The following TDRD3 variants were observed in gnomAD, a reference collection of about 807,000 sequenced individuals.
TDRD3 encodes tudor domain-containing protein 3.
In TDRD3, 45 loss-of-function variants were observed where a neutral mutation model predicts 86.7. The ratio of observed to expected loss-of-function variants is 0.52; its 90% CI spans 0.41 to 0.67. TDRD3 has a LOEUF of 0.67. Among genes scored for constraint, TDRD3 ranks in the 30% least tolerant of loss-of-function variants. The pLI, the probability that TDRD3 is intolerant of heterozygous loss-of-function variation, is 0.00. For missense variants in TDRD3, 814 were observed against 889.0 expected (o/e 0.92, Z 1.07); for synonymous variants, 298 against 301.7 (o/e 0.99, Z 0.13).
At chr13:60,488,563 T>G (rs1229192315) in intron 7 of TDRD3, among the ~76,000 whole-genome samples, 2 of 152,050 alleles carry the variant, frequency 1.3e-5, no homozygotes, top group Admixed American at 1.3e-4. Flanking sequence ...TAAATTGGAT[T>G]GTTTGGGTTT....
chr13:60,459,509 T>A (rs566999900), intron 3 of TDRD3, among the ~76,000 whole-genome samples: 8 of 152,222 alleles, frequency 5.3e-5, no homozygotes, highest in Non-Finnish European at 1.0e-4. Flanking sequence ...AATGTGAAAA[T>A]ATGTCAATTA....
chr13:60,404,612 G>A (rs1333449144), intron 1 of TDRD3, among the ~76,000 whole-genome samples: 1 of 148,780 alleles, frequency 6.7e-6, no homozygotes, highest in Non-Finnish European at 1.5e-5. Context: ...GCCCGGCCCT[G>A]TTTGCTTTTT....
intron 12 of TDRD3, among the ~76,000 whole-genome samples, chr13:60,550,898 C>G (rs1958034625): frequency 6.6e-6 from 1 of 152,136 alleles, no homozygotes; most frequent in African/African-American, 2.4e-5. Flanking sequence ...ATTCTAAGCT[C>G]TTTTACTTAC....
chr13:60,474,256 C>T (rs2138113275), intron 5 of TDRD3, among the ~76,000 whole-genome samples: 1 of 152,316 alleles, frequency 6.6e-6, no homozygotes, highest in South Asian at 2.1e-4. Context: ...ATGACCTTAC[C>T]TATCATTGTA....
chr13:60,572,212 G>A (rs1372788441), intron 13 of TDRD3, among the ~76,000 whole-genome samples: 1 of 152,148 alleles, frequency 6.6e-6, no homozygotes, highest in Non-Finnish European at 1.5e-5. Flanking sequence ...AAGTTTAAAC[G>A]AGGGAAGCAG....
At chr13:60,530,229 C>A (rs1005960666) in intron 11 of TDRD3, among the ~76,000 whole-genome samples, 1 of 152,170 alleles carries the variant, frequency 6.6e-6, no homozygotes, top group Non-Finnish European at 1.5e-5. Flanking sequence ...TGGTTTCCGT[C>A]TGTAGTCTTG....
At position 60,436,043 on chromosome 13, in the gene TDRD3, C is replaced by T. The variant is rs527899406; in HGVS notation, c.42-3645C>T. Among the ~76,000 whole-genome samples, 26 of 149,220 alleles carry T rather than the reference C, an allele frequency of 1.7e-4. 1 individual carries two copies. The South Asian group carries it at 5.5e-3, about 31-fold the overall frequency. On this transcript the variant is annotated intron_variant, in intron 1 of 13. Coordinates refer to ENST00000377881, the MANE Select transcript of TDRD3 (RefSeq NM_001146070.2). ...GAGCATTTTTTCTTATGTCTGTTGGCTGTTTTTATATATCTTCTTTTGAGA... is the reference window on the plus strand; with the variant it reads ...GAGCATTTTTTCTTATGTCTGTTGGTTGTTTTTATATATCTTCTTTTGAGA...
At chr13:60,481,658 C>T (rs1044553617) in intron 5 of TDRD3, among the ~76,000 whole-genome samples, 1 of 151,936 alleles carries the variant, frequency 6.6e-6, no homozygotes, top group Admixed American at 6.5e-5. Context: ...TAAATACTTA[C>T]ACATAGTTTT....
intron 12 of TDRD3, among the ~76,000 whole-genome samples, chr13:60,545,552 T>C (rs1957920184): frequency 6.6e-6 from 1 of 152,106 alleles, no homozygotes; most frequent in Non-Finnish European, 1.5e-5. Flanking sequence ...GTAACCATTT[T>C]TTTGGTACCA....
intron 10 of TDRD3, among the ~76,000 whole-genome samples, chr13:60,515,812 A>G (rs1283505527): frequency 6.6e-6 from 1 of 152,212 alleles, no homozygotes; most frequent in Non-Finnish European, 1.5e-5. Context: ...TTTTACTTTT[A>G]TAAAGTTGAA....
At chr13:60,567,433 A>G in intron 12 of TDRD3, 92 bp from the exon 13 acceptor site, 1 of 1,538,334 alleles carries the variant, frequency 6.5e-7, no homozygotes. Context: ...AGCTTAAGAG[A>G]GATATTATTA....
At chr13:60,522,386 A>T (rs558583340) in intron 10 of TDRD3, among the ~76,000 whole-genome samples, 1 of 152,206 alleles carries the variant, frequency 6.6e-6, no homozygotes, top group East Asian at 1.9e-4. Flanking sequence ...TTATTTTCTG[A>T]TTTTTTGTCT....
chr13:60,485,914 C>T lies in TDRD3; in HGVS notation c.683C>T (p.Thr228Met), dbSNP rs776629259. 84 of 1,608,748 alleles carry T rather than the reference C, an allele frequency of 5.2e-5. No homozygotes were observed. Among genetic ancestry groups the T allele is most frequent in the South Asian group, 1.3e-4 (12 of 90,092 alleles). Residue 228 changes from threonine to methionine, a missense_variant, in exon 7 of 14, where the codon ACG (threonine) becomes ATG (methionine). Thr to Met is a moderately conservative substitution (Grantham distance 81, BLOSUM62 -1). Transcript: ENST00000377881. Reference protein sequence around the residue: ...NDNDEFEKQRTAAIAEVAKSK... With the variant: ...NDNDEFEKQRMAAIAEVAKSK... ...AATGATGAATTTGAAAAGCAAAGGA[C>T]GGCTGCTATTGCTGAAGTTGCAAAG...
intron 1 of TDRD3, among the ~76,000 whole-genome samples, chr13:60,417,213 C>A (rs1954543180): frequency 6.6e-6 from 1 of 151,918 alleles, no homozygotes; most frequent in Admixed American, 6.6e-5. Flanking sequence ...TGGGCTCTTG[C>A]TATGTTGTCC....
chr13:60,500,760 A>G (rs1956813306), intron 8 of TDRD3, among the ~76,000 whole-genome samples: 1 of 152,232 alleles, frequency 6.6e-6, no homozygotes, highest in Admixed American at 6.5e-5. Context: ...GGAAAGAGGT[A>G]TGTTGATGGA....
chr13:60,443,861 G>T, intron 2 of TDRD3, among the ~76,000 whole-genome samples: 1 of 151,802 alleles, frequency 6.6e-6, no homozygotes, highest in Non-Finnish European at 1.5e-5. Context: ...TCAACCATCA[G>T]GATAATTTAT....
At chr13:60,414,142 A>T (rs1472823880) in intron 1 of TDRD3, among the ~76,000 whole-genome samples, 3 of 152,142 alleles carry the variant, frequency 2.0e-5, no homozygotes, top group Non-Finnish European at 4.4e-5. Flanking sequence ...CAGTTGTGCA[A>T]TATGTAAATT....
intron 1 of TDRD3, among the ~76,000 whole-genome samples, chr13:60,399,861 CA>C (rs1386593495): frequency 6.6e-6 from 1 of 152,124 alleles, no homozygotes; most frequent in African/African-American, 2.4e-5. Flanking sequence ...ATGTGATCTT[CA>C]GGGGGGTACA....
At chr13:60,529,754 T>C (rs1224970584) in intron 11 of TDRD3, among the ~76,000 whole-genome samples, 1 of 152,134 alleles carries the variant, frequency 6.6e-6, no homozygotes, top group Non-Finnish European at 1.5e-5. Context: ...TAAAAATTAT[T>C]AAACCAATTT....
Sources: gnomAD v4.1 joint callset for allele counts (sites outside exome capture counted in the v4.1 genomes callset) on GRCh38, gnomAD v4.1.1 for gene constraint, MANE v1.5 for transcripts, NCBI Gene and HGNC (gene_info 2026-07-23, HGNC 2026-07-21) for gene names.